TMEM178B: variants seen among roughly 807,000 people sequenced by gnomAD.
The protein encoded by TMEM178B is transmembrane protein 178B.
TMEM178B carries 5 observed loss-of-function variants against 31.0 expected under a neutral mutation model. The observed-to-expected ratio is 0.16, with a 90% CI of 0.08 to 0.34. The LOEUF (loss-of-function observed/expected upper bound fraction) is 0.34. TMEM178B is among the 10% of genes least tolerant of loss of function. The pLI is 1.00. For missense variants in TMEM178B, 275 were observed against 400.3 expected, an observed-to-expected ratio of 0.69 and a Z score of 2.67; for synonymous variants, 164 against 164.0, an observed-to-expected ratio of 1.00 and a Z score of 0.00.
At chr7:141,499,823 AC>A in the TMEM178B span, among the ~76,000 whole-genome samples, 38 of 152,224 alleles carry the variant, frequency 2.5e-4, no homozygotes, top group Non-Finnish European at 4.1e-4. Flanking sequence ...AAGATCAATC[AC>A]ACACATGAAG....
At chr7:141,301,358 C>T (rs952630826) in intron 2 of TMEM178B, among the ~76,000 whole-genome samples, 13 of 152,072 alleles carry the variant, frequency 8.5e-5, no homozygotes, top group Admixed American at 7.9e-4. Context: ...GTTCTTTTAC[C>T]AAAAGTGAGA....
rs575784194 is a variant in TMEM178B at position 141,100,066 on chromosome 7, G to A, written c.382+25374G>A. Among the ~76,000 whole-genome samples the A allele has an allele frequency of 3.9e-5, 6 of 152,196 alleles. No individual in the cohort carries two copies. In the East Asian group the frequency reaches 5.8e-4, roughly 15 times the overall value. On this transcript the variant is annotated intron_variant, in intron 1 of 3. Coordinates refer to ENST00000565468, the MANE Select transcript of TMEM178B (RefSeq NM_001195278.2). ...GATCTCCTGACCTCGTGATCCGCCC[G>A]CCTTGGCCTCCCAAAGTGCTGGGAT...
intron 1 of TMEM178B, among the ~76,000 whole-genome samples, chr7:141,169,861 A>G (rs1586806920): frequency 6.6e-6 from 1 of 152,356 alleles, no homozygotes; most frequent in Non-Finnish European, 1.5e-5. Flanking sequence ...TAAAAAATTC[A>G]CCACAATCTT....
intron 3 of TMEM178B, among the ~76,000 whole-genome samples, chr7:141,443,028 A>T (rs1211806121): frequency 1.3e-5 from 2 of 152,180 alleles, no homozygotes; most frequent in Non-Finnish European, 2.9e-5. Context: ...CAGCTGCAGA[A>T]CTCAGGGAAG....
intron 1 of TMEM178B, among the ~76,000 whole-genome samples, chr7:141,113,307 G>A (rs964067382): frequency 2.6e-5 from 4 of 152,138 alleles, no homozygotes; most frequent in Non-Finnish European, 4.4e-5. Context: ...AGAGCCCTGC[G>A]CTCTGTCCCA....
Position 141,167,278 on chromosome 7 carries a change from G to A in TMEM178B, c.383-45313G>A, listed in dbSNP as rs115376413. On this transcript the variant is annotated intron_variant, in intron 1 of 3. Coordinates refer to ENST00000565468, the MANE Select transcript of TMEM178B (RefSeq NM_001195278.2). The stretch of plus-strand genomic sequence containing the variant: ...GCAGGACTTAAGAAATCGCCTCTTC[G>A]CCCATGCGTCTGTTACCCCAAATGC... 2.9e-3 allele frequency among the ~76,000 whole-genome samples: 447 copies of A among 152,278 alleles called. 2 individuals are homozygous for A. The highest frequency in any genetic ancestry group is 0.011 in the African/African-American group (438 of 41,550).
At chr7:141,163,270 C>A (rs775554932) in intron 1 of TMEM178B, among the ~76,000 whole-genome samples, 11 of 152,176 alleles carry the variant, frequency 7.2e-5, no homozygotes, top group Non-Finnish European at 1.5e-4. Flanking sequence ...GGAAGCCGCA[C>A]AAGTATGGAA....
At chr7:141,487,741 CAAAAAAAAAAA>C in the TMEM178B span, among the ~76,000 whole-genome samples, 9 of 30,266 alleles carry the variant, frequency 3.0e-4, no homozygotes, top group Admixed American at 3.3e-3. Flanking sequence ...GACTCCGTCT[CAAAAAAAAAAA>C]AAAAAAAAAA....
intron 2 of TMEM178B, among the ~76,000 whole-genome samples, chr7:141,399,795 T>C (rs1800727642): frequency 1.3e-5 from 2 of 152,216 alleles, no homozygotes; most frequent in Admixed American, 6.5e-5. Context: ...CTATGAATCC[T>C]TTCCTCTGCT....
intron 1 of TMEM178B, among the ~76,000 whole-genome samples, chr7:141,119,322 G>T (rs980074835): frequency 5.3e-5 from 8 of 152,146 alleles, no homozygotes; most frequent in African/African-American, 1.7e-4. Flanking sequence ...GTCCCACTTG[G>T]TCCCAGTGAG....
chr7:141,389,169 C>T (rs1023901974), intron 2 of TMEM178B, among the ~76,000 whole-genome samples: 8 of 152,144 alleles, frequency 5.3e-5, no homozygotes, highest in African/African-American at 1.9e-4. Flanking sequence ...TCACTTCTTC[C>T]AGATACCACT....
At position 141,256,514 on chromosome 7, in the gene TMEM178B, G is replaced by C. The variant is rs141435918; in HGVS notation, c.496+43810G>C. ...AGTGGCTGAAGGTGAGAGTGGTAAG[G>C]GGTAGGGTTGGGGGTGTAGCCAGGG... On this transcript the variant is annotated intron_variant, in intron 2 of 3. Coordinates refer to ENST00000565468, the MANE Select transcript of TMEM178B (RefSeq NM_001195278.2). Among the ~76,000 whole-genome samples, 301 of 152,318 alleles carry C rather than the reference G, an allele frequency of 2.0e-3. 1 individual carries two copies. The highest frequency in any genetic ancestry group is 6.7e-3 in the African/African-American group (280 of 41,560).
rs760074384 is a variant in TMEM178B at position 141,419,864 on chromosome 7, C to T, written c.497-17744C>T. Among the ~76,000 whole-genome samples, 8 of 152,132 alleles carry T rather than the reference C, an allele frequency of 5.3e-5. No individual in the cohort carries two copies. The East Asian group carries it at 1.3e-3, about 26-fold the overall frequency. On this transcript the variant is annotated intron_variant, in intron 2 of 3. Transcript: ENST00000565468. Reference sequence around the variant, plus strand: ...CAGATCACTACGATCTATTATATGGCTCTAAGTCAGCATGTTATAATAATT... The same window carrying T: ...CAGATCACTACGATCTATTATATGGTTCTAAGTCAGCATGTTATAATAATT...
chr7:141,438,697 A>AC lies in TMEM178B; in HGVS notation c.634+952_634+953insC, dbSNP rs1491222599. On this transcript the variant is annotated intron_variant, in intron 3 of 3. Transcript: ENST00000565468. Reference sequence around the variant, plus strand: ...AGCTTGGTAAAACCCCGTCTCTACTAAAAAAAAAAAAAAAAAAAAAAAAAA... The same window carrying AC: ...AGCTTGGTAAAACCCCGTCTCTACTACAAAAAAAAAAAAAAAAAAAAAAAAA... Among the ~76,000 whole-genome samples, 164 of 36,208 alleles carry AC rather than the reference A, an allele frequency of 4.5e-3. 3 individuals are homozygous for AC. The highest frequency in any genetic ancestry group is 0.032 in the African/African-American group (149 of 4,632). The allele number at this position is 36,208 out of a possible 152,430, so 23.8% of individuals were successfully genotyped here. A position where few individuals can be genotyped will look rare whatever the true frequency, so the allele number is the denominator to read the frequency against.
chr7:141,258,216 A>G (rs1419063092), intron 2 of TMEM178B, among the ~76,000 whole-genome samples: 3 of 151,516 alleles, frequency 2.0e-5, no homozygotes, highest in East Asian at 1.9e-4. Flanking sequence ...TCATCTTCAT[A>G]TGTTATAAAC....
At chr7:141,232,507 G>A (rs1009673472) in intron 2 of TMEM178B, among the ~76,000 whole-genome samples, 6 of 152,204 alleles carry the variant, frequency 3.9e-5, no homozygotes, top group East Asian at 1.9e-4. Flanking sequence ...CCATTCTGAC[G>A]GGTGTGAGAT....
At chr7:141,416,547 A>T (rs920907127) in intron 2 of TMEM178B, among the ~76,000 whole-genome samples, 1 of 152,242 alleles carries the variant, frequency 6.6e-6, no homozygotes, top group Non-Finnish European at 1.5e-5. Flanking sequence ...TCATACTTTA[A>T]AAAATCCACG....
chr7:141,179,287 C>T (rs536248116), intron 1 of TMEM178B, among the ~76,000 whole-genome samples: 1 of 152,062 alleles, frequency 6.6e-6, no homozygotes, highest in African/African-American at 2.4e-5. Flanking sequence ...AAAGTTAATG[C>T]CTGATTTGAA....
chr7:141,185,313 G>C (rs1796592500), intron 1 of TMEM178B, among the ~76,000 whole-genome samples: 1 of 152,194 alleles, frequency 6.6e-6, no homozygotes, highest in Non-Finnish European at 1.5e-5. Context: ...GGAAGAATCA[G>C]ATCACACATG....
Sources: gnomAD v4.1 joint callset for allele counts (sites outside exome capture counted in the v4.1 genomes callset) on GRCh38, gnomAD v4.1.1 for gene constraint, MANE v1.5 for transcripts, NCBI Gene and HGNC (gene_info 2026-07-23, HGNC 2026-07-21) for gene names.